The following DPP10 variants were observed in gnomAD, a reference collection of about 807,000 sequenced individuals.
DPP10 encodes inactive dipeptidyl peptidase 10.
In DPP10, 33 loss-of-function variants were observed where a neutral mutation model predicts 120.9. The observed-to-expected ratio is 0.27, with a 90% confidence interval of 0.21 to 0.37. DPP10 has a LOEUF of 0.37. Among genes scored for constraint, DPP10 ranks in the 10% least tolerant of loss-of-function variants. The pLI is 1.00. For missense variants in DPP10, 816 were observed against 942.8 expected (o/e 0.87, Z 1.76); for synonymous variants, 337 against 326.1 (o/e 1.03, Z -0.36).
intron 1 of DPP10, among the ~76,000 whole-genome samples, chr2:115,099,537 C>T (rs375058540): frequency 3.3e-5 from 5 of 152,214 alleles, no homozygotes; most frequent in African/African-American, 1.2e-4. Flanking sequence ...CCCTCAAGGT[C>T]AAGGACCTTT....
intron 1 of DPP10, among the ~76,000 whole-genome samples, chr2:114,467,749 C>T (rs1679532833): frequency 6.6e-6 from 1 of 152,118 alleles, no homozygotes; most frequent in Admixed American, 6.5e-5. Flanking sequence ...CTTGTAATCC[C>T]AGCACTTTAG....
intron 21 of DPP10, among the ~76,000 whole-genome samples, chr2:115,827,318 C>CAGGTATATGTAT (rs1553518923): frequency 7.3e-6 from 1 of 137,790 alleles, no homozygotes; most frequent in African/African-American, 2.7e-5. Context: ...TACACATGTA[C>CAGGTATATGTAT]ATGTATATGT....
At chr2:114,804,206 T>C (rs113974575) in intron 1 of DPP10, among the ~76,000 whole-genome samples, 5 of 152,362 alleles carry the variant, frequency 3.3e-5, no homozygotes, top group African/African-American at 1.2e-4. Context: ...AATTGAGGTT[T>C]GGGAACCTCT....
rs12617135 is a variant in DPP10 at position 115,169,404 on chromosome 2, T to C, written c.61-139835T>C. The stretch of plus-strand genomic sequence containing the variant: ...TATGTGAATGAAAATGCTGAATATG[T>C]GTGTGTACACCATTATCAAATATAT... On this transcript the variant is annotated intron_variant, in intron 1 of 25. Transcript: ENST00000410059. 3.6e-3 allele frequency among the ~76,000 whole-genome samples: 541 copies of C among 152,186 alleles called. 15 individuals are homozygous for C. The East Asian group carries it at 0.076, about 21-fold the overall frequency.
rs1220128709 is a variant in DPP10 at position 115,189,600 on chromosome 2, A to AT, written c.61-119633dup. On this transcript the variant is annotated intron_variant, in intron 1 of 25. Transcript: ENST00000410059. ...TATATTTAACAATCCCCCATCTTGAATTTTTTCAGTTCTTTCTCTTCAGAC... is the reference window on the plus strand; with the variant it reads ...TATATTTAACAATCCCCCATCTTGAATTTTTTTCAGTTCTTTCTCTTCAGAC... 7.9e-5 allele frequency among the ~76,000 whole-genome samples: 12 copies of AT among 151,786 alleles called. No homozygotes were observed. The East Asian group carries it at 2.4e-3, about 30-fold the overall frequency.
chr2:115,703,385 A>G (rs529966199), intron 7 of DPP10, among the ~76,000 whole-genome samples: 3 of 152,136 alleles, frequency 2.0e-5, no homozygotes, highest in Admixed American at 2.0e-4. Context: ...AACCAATAGG[A>G]TATATATCTC....
In DPP10 at chr2:114,667,282, A is replaced by C. The variant is rs1458827154; in HGVS notation, c.60+224444A>C. ...TTTCATTTCATTATATCATGCCTTA[A>C]ACTATAGTCATTGCCTTTTTTTTAA... On this transcript the variant is annotated intron_variant, in intron 1 of 25. Coordinates refer to ENST00000410059, the MANE Select transcript of DPP10 (RefSeq NM_020868.6). Among the ~76,000 whole-genome samples the C allele has an allele frequency of 2.0e-5, 3 of 152,206 alleles. No homozygotes were observed. The East Asian group carries it at 5.8e-4, about 29-fold the overall frequency.
At chr2:114,886,940 T>G (rs192446338) in intron 1 of DPP10, among the ~76,000 whole-genome samples, 1 of 152,278 alleles carries the variant, frequency 6.6e-6, no homozygotes, top group Non-Finnish European at 1.5e-5. Flanking sequence ...AGTCTGACAT[T>G]CTCAGGTTGC....
chr2:114,704,182 G>C (rs1186282797), intron 1 of DPP10, among the ~76,000 whole-genome samples: 1 of 152,094 alleles, frequency 6.6e-6, no homozygotes, highest in African/African-American at 2.4e-5. Context: ...GATAAAGATG[G>C]GATTAGGCAC....
intron 5 of DPP10, among the ~76,000 whole-genome samples, chr2:115,536,818 T>C (rs2078876715): frequency 1.3e-5 from 2 of 151,952 alleles, no homozygotes; most frequent in African/African-American, 4.8e-5. Flanking sequence ...ATATCTAAGC[T>C]CAAGTCATTG....
At chr2:115,650,537 A>G (rs72826498) in intron 5 of DPP10, among the ~76,000 whole-genome samples, 16,908 of 152,014 alleles carry the variant, frequency 0.11, 1,057 homozygotes, top group East Asian at 0.25. Flanking sequence ...AGTTACATCT[A>G]TTACTGCCAG....
intron 1 of DPP10, among the ~76,000 whole-genome samples, chr2:115,012,740 C>A (rs1702355964): frequency 6.6e-6 from 1 of 152,140 alleles, no homozygotes; most frequent in Admixed American, 6.5e-5. Context: ...AAAATCAATT[C>A]TGGTAACATG....
intron 3 of DPP10, among the ~76,000 whole-genome samples, chr2:115,381,966 C>G (rs554556112): frequency 6.6e-6 from 1 of 152,132 alleles, no homozygotes; most frequent in Admixed American, 6.5e-5. Context: ...AGCTGTCAGA[C>G]AGGGACATTT....
intron 1 of DPP10, among the ~76,000 whole-genome samples, chr2:115,023,486 A>C (rs1283270554): frequency 6.6e-6 from 1 of 152,070 alleles, no homozygotes; most frequent in Non-Finnish European, 1.5e-5. Context: ...AAAAAAATCA[A>C]AAAAATAATA....
intron 1 of DPP10, among the ~76,000 whole-genome samples, chr2:114,626,046 A>G (rs955016266): frequency 6.6e-6 from 1 of 151,664 alleles, no homozygotes; most frequent in Non-Finnish European, 1.5e-5. Flanking sequence ...GATGACTACA[A>G]TTCAAATTTA....
intron 3 of DPP10, among the ~76,000 whole-genome samples, chr2:115,443,115 G>C (rs1260143446): frequency 1.3e-5 from 2 of 152,042 alleles, no homozygotes; most frequent in African/African-American, 4.8e-5. Flanking sequence ...TCCTTGCTTT[G>C]ATTTGGAAAG....
chr2:115,510,406 A>G (rs1037024581), intron 4 of DPP10, among the ~76,000 whole-genome samples: 1 of 152,114 alleles, frequency 6.6e-6, no homozygotes, highest in Non-Finnish European at 1.5e-5. Flanking sequence ...ACATTTTTGA[A>G]AAGATTTTTT....
intron 1 of DPP10, among the ~76,000 whole-genome samples, chr2:114,716,775 G>T (rs988674894): frequency 1.2e-4 from 19 of 152,202 alleles, no homozygotes; most frequent in African/African-American, 4.1e-4. Flanking sequence ...ATGGGTTAAA[G>T]TGGATAGTTT....
At chr2:115,181,024 AC>A (rs2054042637) in intron 1 of DPP10, among the ~76,000 whole-genome samples, 1 of 152,144 alleles carries the variant, frequency 6.6e-6, no homozygotes, top group African/African-American at 2.4e-5. Flanking sequence ...AACACATCTC[AC>A]CCCTATTTTG....
Sources: gnomAD v4.1 joint callset for allele counts (sites outside exome capture counted in the v4.1 genomes callset) on GRCh38, gnomAD v4.1.1 for gene constraint, MANE v1.5 for transcripts, NCBI Gene and HGNC (gene_info 2026-07-23, HGNC 2026-07-21) for gene names.